The following AKAP6 variants were observed in gnomAD, a reference collection of about 807,000 sequenced individuals.
AKAP6 encodes the protein A-kinase anchoring protein 6.
A neutral mutation model predicts 188.5 loss-of-function variants in AKAP6; 58 were observed. That is an observed-to-expected ratio of 0.31 (90% confidence interval 0.25 to 0.38). The LOEUF is 0.38. Ranked by LOEUF, AKAP6 falls within the 10% of genes least tolerant of loss-of-function variation. The pLI is 1.00. For synonymous variants in AKAP6, 989 were observed against 998.6 expected (o/e 0.99, Z 0.18); for missense variants, 2,710 against 2,740.0 (o/e 0.99, Z 0.24).
intron 9 of AKAP6, among the ~76,000 whole-genome samples, chr14:32,710,546 C>G (rs143853550): frequency 6.6e-6 from 1 of 151,830 alleles, no homozygotes; most frequent in African/African-American, 2.4e-5. Flanking sequence ...TGAGGGAAAC[C>G]GAAAGCAGCC....
intron 7 of AKAP6, among the ~76,000 whole-genome samples, chr14:32,618,408 C>A (rs1395235934): frequency 6.6e-6 from 1 of 152,108 alleles, no homozygotes; most frequent in African/African-American, 2.4e-5. Flanking sequence ...CTTTGCATAC[C>A]CATAGCTTAG....
chr14:32,641,861 T>C (rs1887771488), intron 7 of AKAP6, among the ~76,000 whole-genome samples: 1 of 152,072 alleles, frequency 6.6e-6, no homozygotes, highest in Non-Finnish European at 1.5e-5. Flanking sequence ...CATTTTAATG[T>C]GGAAAGAGAA....
Position 32,546,205 on chromosome 14 carries a change from G to A in AKAP6, c.1552G>A (p.Gly518Ser), listed in dbSNP as rs748434968. 1 of 1,614,178 alleles carries A rather than the reference G, an allele frequency of 6.2e-7. No homozygotes were observed. The highest frequency in any genetic ancestry group is 1.1e-5 in the South Asian group (1 of 91,082). The change falls in exon 4 of 14, where the codon GGC (glycine) becomes AGC (serine). Residue 518 changes from glycine (G) to serine (S), a missense_variant. Gly to Ser is a moderately conservative substitution (Grantham distance 56). Around this residue, in one of 2 missense-constraint regions of AKAP6, gnomAD observed 2,473 missense variants for 2,426.1 expected, o/e 1.02. Transcript: ENST00000280979. ...AACACCTAAACGGGGGACTGGTTCA[G>A]GCAAACAAGCTAAAAATACAAAGAG... ...CRTPKRGTGS[G>S]KQAKNTKSSA...
chr14:32,558,335 A>G (rs1883779400), intron 4 of AKAP6, among the ~76,000 whole-genome samples: 1 of 152,260 alleles, frequency 6.6e-6, no homozygotes, highest in South Asian at 2.1e-4. Context: ...ATATGGCAAC[A>G]TAATTCAAGG....
At chr14:32,587,214 G>C (rs1057053733) in intron 5 of AKAP6, among the ~76,000 whole-genome samples, 3 of 132,248 alleles carry the variant, frequency 2.3e-5, no homozygotes, top group Non-Finnish European at 5.1e-5. Context: ...CTGTTTTTCT[G>C]TTGGTCATTG....
At chr14:32,828,000 T>C (rs962813268) in intron 13 of AKAP6, among the ~76,000 whole-genome samples, 1 of 152,118 alleles carries the variant, frequency 6.6e-6, no homozygotes, top group African/African-American at 2.4e-5. Context: ...GGGGGGTGGG[T>C]TGAGGAGCTG....
At chr14:32,687,518 TG>T (rs1889988839) in intron 8 of AKAP6, among the ~76,000 whole-genome samples, 1 of 151,278 alleles carries the variant, frequency 6.6e-6, no homozygotes, top group African/African-American at 2.4e-5. Flanking sequence ...TTCTACACGG[TG>T]GGTATTTTTA....
chr14:32,376,937 C>G (rs1027795554), intron 1 of AKAP6, among the ~76,000 whole-genome samples: 2 of 152,168 alleles, frequency 1.3e-5, no homozygotes, highest in Admixed American at 6.5e-5. Flanking sequence ...GCATGTGATC[C>G]GCCCACCTCA....
At chr14:32,741,819 G>GTTTTTTTTTTT (rs34015837) in intron 11 of AKAP6, among the ~76,000 whole-genome samples, 4 of 70,710 alleles carry the variant, frequency 5.7e-5, no homozygotes, top group African/African-American at 2.2e-4. Flanking sequence ...TAGCCTGTAG[G>GTTTTTTTTTTT]TTTTTTTTTT....
At chr14:32,590,057 T>C (rs752629866) in intron 5 of AKAP6, among the ~76,000 whole-genome samples, 12 of 152,208 alleles carry the variant, frequency 7.9e-5, no homozygotes, top group Non-Finnish European at 1.6e-4. Context: ...ATCTTTACAT[T>C]AGCCAGAAAA....
chr14:32,585,779 G>T (rs1350590533), intron 5 of AKAP6, among the ~76,000 whole-genome samples: 1 of 152,098 alleles, frequency 6.6e-6, no homozygotes, highest in Non-Finnish European at 1.5e-5. Flanking sequence ...ATTTGATATA[G>T]ACCTCAAAGG....
chr14:32,371,875 G>C (rs533824217), intron 1 of AKAP6, among the ~76,000 whole-genome samples: 1 of 152,142 alleles, frequency 6.6e-6, no homozygotes, highest in African/African-American at 2.4e-5. Context: ...TGATTTGAAG[G>C]GTGGTTTCCT....
At chr14:32,475,976 C>T (rs1274729484) in intron 2 of AKAP6, among the ~76,000 whole-genome samples, 1 of 152,060 alleles carries the variant, frequency 6.6e-6, no homozygotes, top group Non-Finnish European at 1.5e-5. Flanking sequence ...AGCCACTGCG[C>T]CTGGCCTTCA....
intron 1 of AKAP6, among the ~76,000 whole-genome samples, chr14:32,347,067 G>A (rs188514493): frequency 9.9e-5 from 15 of 152,262 alleles, no homozygotes; most frequent in African/African-American, 3.1e-4. Flanking sequence ...GCTCTATTTT[G>A]TTTTAGGTGC....
chr14:32,399,869 T>C (rs1889026356), intron 1 of AKAP6, among the ~76,000 whole-genome samples: 1 of 152,186 alleles, frequency 6.6e-6, no homozygotes, highest in Non-Finnish European at 1.5e-5. Context: ...GTGAAGTTCA[T>C]ATTTTGCTGT....
chr14:32,446,921 G>T (rs1428829752), intron 2 of AKAP6, among the ~76,000 whole-genome samples: 1 of 152,052 alleles, frequency 6.6e-6, no homozygotes, highest in East Asian at 1.9e-4. Flanking sequence ...TTATTTGTTT[G>T]TGGTCTTTTA....
At chr14:32,591,970 G>T (rs1411674402) in intron 5 of AKAP6, among the ~76,000 whole-genome samples, 1 of 152,144 alleles carries the variant, frequency 6.6e-6, no homozygotes, top group Non-Finnish European at 1.5e-5. Flanking sequence ...TGGCAATTAC[G>T]CTGGGATCAT....
chr14:32,786,253 C>T (rs1045807463), intron 12 of AKAP6, among the ~76,000 whole-genome samples: 1 of 145,088 alleles, frequency 6.9e-6, no homozygotes, highest in African/African-American at 2.5e-5. Flanking sequence ...CTGTAAAATA[C>T]TCATTTCAGC....
chr14:32,791,789 A>T (rs1031708924), intron 12 of AKAP6, among the ~76,000 whole-genome samples: 1 of 152,060 alleles, frequency 6.6e-6, no homozygotes, highest in Non-Finnish European at 1.5e-5. Flanking sequence ...TCTTGAGTTA[A>T]TTTTTGTGTA....
Sources: allele counts gnomAD v4.1 joint callset (sites outside exome capture counted in the v4.1 genomes callset), GRCh38; gene constraint gnomAD v4.1.1; regional missense constraint gnomAD v4.1.1; transcripts MANE v1.5; gene names NCBI Gene and HGNC (gene_info 2026-07-23, HGNC 2026-07-21).